Variants in SNX27 observed in about 807,000 individuals in gnomAD.
SNX27 encodes sorting nexin-27.
In SNX27, 22 loss-of-function variants were observed where a neutral mutation model predicts 71.6. That is an observed-to-expected ratio of 0.31 (90% CI 0.22 to 0.44). SNX27 has a LOEUF of 0.44. SNX27 is among the 20% of genes least tolerant of loss of function. SNX27 has a pLI of 1.00. For synonymous variants in SNX27, 269 were observed against 277.2 expected (o/e 0.97, Z 0.29); for missense variants, 531 against 698.6 (o/e 0.76, Z 2.70).
Position 151,694,580 on chromosome 1 carries a change from T to C in SNX27, c.*163T>C. The C allele has an allele frequency of 1.5e-6, 1 of 671,064 alleles. No individual in the cohort carries two copies. The highest frequency in any genetic ancestry group is 2.3e-6 in the Non-Finnish European group (1 of 428,446). The allele number at this position is 671,064 out of a possible 1,614,324, so 41.6% of individuals were successfully genotyped here. On this transcript the variant is annotated 3_prime_UTR_variant, in exon 12 of 12. Transcript: ENST00000458013. ...TATTAATAACCCCCTCTGAATTTCA[T>C]GTCTCTGGAATTGAGGTGGTAGTGA... is the stretch of plus-strand genomic sequence containing the variant.
At chr1:151,680,255 C>T (rs1205000919) in intron 7 of SNX27, 2 of 150,780 alleles carry the variant, frequency 1.3e-5, no homozygotes, top group East Asian at 3.9e-4. Context: ...CTTCCGGGTT[C>T]AAGTGATTCT....
At chr1:151,627,741 TGTTCTATAAA>T (rs59769495) in intron 1 of SNX27, among the ~76,000 whole-genome samples, 61,430 of 151,614 alleles carry the variant, frequency 0.41, 14,248 homozygotes, top group Non-Finnish European at 0.55. Flanking sequence ...GTTCACTCTT[TGTTCTATAAA>T]GTTCTATAGA....
chr1:151,660,611 T>C (rs79600737), intron 3 of SNX27, 187 bp from the exon 4 acceptor site: 34,956 of 569,358 alleles, frequency 0.061, 1,377 homozygotes, highest in Non-Finnish European at 0.078. Context: ...GTTCTGATCA[T>C]ATTTAGATGA....
rs924254443 is a variant in SNX27 at position 151,615,582 on chromosome 1, C to T, written c.311+3070C>T. 17 of 445,864 alleles carry T rather than the reference C, an allele frequency of 3.8e-5. 1 individual carries two copies. The South Asian group carries it at 1.2e-3, about 32-fold the overall frequency. 27.6% of individuals were successfully genotyped at this position (445,864 alleles called of 1,614,324 possible). On this transcript the variant is annotated intron_variant, in intron 1 of 11. Transcript: ENST00000458013. ...AGTTCTTAAAGTTTACCTCTGTTGT[C>T]CCAGGAAAGCTTTGCATGTTGCTGA...
intron 11 of SNX27, 89 bp from the exon 12 acceptor site, chr1:151,694,281 G>A: frequency 1.3e-6 from 2 of 1,535,152 alleles, no homozygotes; most frequent in Non-Finnish European, 1.7e-6. Context: ...GAGTCATCCA[G>A]GCATACCTTT....
chr1:151,692,444 A>G lies in SNX27; in HGVS notation c.1249A>G (p.Met417Val), dbSNP rs1247056590. 4 of 1,463,218 alleles carry G rather than the reference A, an allele frequency of 2.7e-6. No individual in the cohort carries two copies. The highest frequency in any genetic ancestry group is 1.3e-5 in the South Asian group (1 of 78,764). 90.6% of individuals were successfully genotyped at this position (1,463,218 alleles called of 1,614,324 possible). Reference protein sequence around the residue: ...EQRKMVMYLNMLRTCEGYNEI... With the variant: ...EQRKMVMYLNVLRTCEGYNEI... ...TTTTTTTTTTTTTTAGTACCTCAAC[A>G]TGCTAAGGACTTGTGAGGGCTACAA... Residue 417 changes from methionine (M) to valine (V), a missense_variant, in exon 9 of 12, where the codon ATG (methionine) becomes GTG (valine). Met to Val is a conservative substitution (Grantham distance 21). This residue lies in a region of SNX27 where 157 missense variants were observed against 178.4 expected (regional missense o/e 0.88). Transcript: ENST00000458013.
chr1:151,673,906 T>C (rs1670551452), intron 7 of SNX27, among the ~76,000 whole-genome samples: 1 of 152,214 alleles, frequency 6.6e-6, no homozygotes, highest in Non-Finnish European at 1.5e-5. Flanking sequence ...TCCATCCGTT[T>C]ATTTTCCATC....
intron 2 of SNX27, among the ~76,000 whole-genome samples, chr1:151,651,936 C>T (rs1669405101): frequency 1.3e-5 from 2 of 152,066 alleles, no homozygotes; most frequent in Admixed American, 1.3e-4. Context: ...GAACGAGACT[C>T]CGTCTGCAAT....
At chr1:151,629,738 C>T (rs1668128997) in intron 1 of SNX27, among the ~76,000 whole-genome samples, 1 of 151,226 alleles carries the variant, frequency 6.6e-6, no homozygotes, top group South Asian at 2.1e-4. Context: ...CCACCATGCC[C>T]GGCTAATTTT....
intron 8 of SNX27, 134 bp from the exon 9 acceptor site, chr1:151,692,301 C>CAA: frequency 1.7e-6 from 2 of 1,169,134 alleles, no homozygotes; most frequent in Non-Finnish European, 2.3e-6. Flanking sequence ...GCCAGGTCTT[C>CAA]AGGTTGTTGG....
chr1:151,694,475 C>A lies in SNX27; in HGVS notation c.*58C>A. ...CCATCCTCTTACTCCTTTCATGTCC[C>A]ATTTCAGACAGAGTAACCATTAACA... On this transcript the variant is annotated 3_prime_UTR_variant, in exon 12 of 12. Transcript: ENST00000458013. The A allele has an allele frequency of 1.4e-6, 2 of 1,478,904 alleles. No individual in the cohort carries two copies. The highest frequency in any genetic ancestry group is 1.8e-6 in the Non-Finnish European group (2 of 1,094,798). 91.6% of individuals were successfully genotyped at this position (1,478,904 alleles called of 1,614,324 possible).
At chr1:151,651,451 G>C (rs1297747083) in intron 2 of SNX27, among the ~76,000 whole-genome samples, 7 of 151,816 alleles carry the variant, frequency 4.6e-5, no homozygotes, top group Non-Finnish European at 1.0e-4. Flanking sequence ...CAGATGGGGC[G>C]GCTGCCGGGC....
chr1:151,644,542 C>T (rs1668944231), intron 2 of SNX27, among the ~76,000 whole-genome samples: 1 of 152,012 alleles, frequency 6.6e-6, no homozygotes, highest in Non-Finnish European at 1.5e-5. Context: ...GGGTTCTTTC[C>T]ACTTTTGACT....
chr1:151,684,337 C>T (rs972278196), intron 8 of SNX27, among the ~76,000 whole-genome samples: 22 of 152,146 alleles, frequency 1.4e-4, no homozygotes, highest in African/African-American at 5.1e-4. Flanking sequence ...CAATGCTAAG[C>T]AGCCATATGT....
intron 2 of SNX27, among the ~76,000 whole-genome samples, chr1:151,646,882 G>C (rs61818468): frequency 6.1e-5 from 9 of 148,582 alleles, no homozygotes; most frequent in Non-Finnish European, 1.2e-4. Flanking sequence ...GCTGGACACA[G>C]ACACACACAC....
chr1:151,685,282 C>G (rs1161018471), intron 8 of SNX27: 1 of 152,162 alleles, frequency 6.6e-6, no homozygotes, highest in Non-Finnish European at 1.5e-5. Flanking sequence ...GTATCATTTT[C>G]ATTCTTTAGT....
chr1:151,629,569 A>G (rs1571774826), intron 1 of SNX27: 1 of 150,026 alleles, frequency 6.7e-6, no homozygotes, highest in Non-Finnish European at 1.5e-5. Flanking sequence ...GTGTGTGTAT[A>G]TATGTGTATA....
At chr1:151,627,895 C>A (rs1668018902) in intron 1 of SNX27, among the ~76,000 whole-genome samples, 1 of 152,068 alleles carries the variant, frequency 6.6e-6, no homozygotes, top group African/African-American at 2.4e-5. Flanking sequence ...CTGATCTTTG[C>A]CTTTTCTGGA....
At chr1:151,677,793 TAAGTA>T (rs1340322492) in intron 7 of SNX27, 7 of 152,182 alleles carry the variant, frequency 4.6e-5, no homozygotes, top group Non-Finnish European at 1.5e-5. Flanking sequence ...CAAAAGTATT[TAAGTA>T]TTTAGAAAAG....
Sources: gnomAD v4.1 joint callset for allele counts (sites outside exome capture counted in the v4.1 genomes callset) on GRCh38, gnomAD v4.1.1 for gene constraint, gnomAD v4.1.1 regional missense constraint, MANE v1.5 for transcripts, NCBI Gene and HGNC (gene_info 2026-07-23, HGNC 2026-07-21) for gene names.